RBFOX1: variants seen among roughly 807,000 people sequenced by gnomAD.
RBFOX1 encodes RNA binding protein fox-1 homolog 1.
In RBFOX1, 8 loss-of-function variants were observed where a neutral mutation model predicts 57.7. The observed-to-expected ratio is 0.14, with a 90% CI of 0.08 to 0.25. The LOEUF (loss-of-function observed/expected upper bound fraction) is 0.25, where lower values mean the gene tolerates loss of function less well. Among genes scored for constraint, RBFOX1 ranks in the 10% least tolerant of loss-of-function variants. RBFOX1 has a pLI of 1.00. For synonymous variants in RBFOX1, 326 were observed against 222.4 expected (o/e 1.47, Z -4.15); for missense variants, 611 against 548.5 (o/e 1.11, Z -1.14).
chr16:5,789,975 G>C (rs767174272), intron 3 of RBFOX1, among the ~76,000 whole-genome samples: 1 of 152,168 alleles, frequency 6.6e-6, no homozygotes, highest in Non-Finnish European at 1.5e-5. Flanking sequence ...TACACCTCAC[G>C]GGCTTCATGC....
At chr16:6,786,442 C>T (rs1240917746) in intron 3 of RBFOX1, among the ~76,000 whole-genome samples, 1 of 152,072 alleles carries the variant, frequency 6.6e-6, no homozygotes, top group Non-Finnish European at 1.5e-5. Flanking sequence ...GTGGAAGAAA[C>T]ATTTTTACAG....
intron 4 of RBFOX1, among the ~76,000 whole-genome samples, chr16:7,058,212 A>G (rs974806418): frequency 3.9e-5 from 6 of 152,078 alleles, no homozygotes; most frequent in African/African-American, 4.8e-5. Context: ...AGGGGGAATC[A>G]CTTAGAAAGT....
intron 2 of RBFOX1, among the ~76,000 whole-genome samples, chr16:6,341,655 T>C (rs867385993): frequency 6.6e-6 from 1 of 152,176 alleles, no homozygotes; most frequent in South Asian, 2.1e-4. Context: ...ATTTTTTTTT[T>C]GTTATGCTGT....
At chr16:6,100,865 T>A (rs957816819) in intron 1 of RBFOX1, among the ~76,000 whole-genome samples, 1 of 152,178 alleles carries the variant, frequency 6.6e-6, no homozygotes, top group African/African-American at 2.4e-5. Flanking sequence ...GGAATGTTCC[T>A]TAAGTGTTCT....
chr16:6,229,091 G>T (rs935613706), intron 1 of RBFOX1, among the ~76,000 whole-genome samples: 15 of 152,038 alleles, frequency 9.9e-5, no homozygotes, highest in African/African-American at 3.6e-4. Context: ...CTTATTGAGA[G>T]ACCATGTTGT....
intron 1 of RBFOX1, among the ~76,000 whole-genome samples, chr16:6,168,957 T>G (rs1450041137): frequency 2.6e-5 from 4 of 152,060 alleles, no homozygotes; most frequent in Non-Finnish European, 4.4e-5. Flanking sequence ...CAGAGAAGTT[T>G]TGGAATTGCC....
Position 7,603,640 on chromosome 16 carries a change from G to T in RBFOX1, c.623-3645G>T, listed in dbSNP as rs991614629. On this transcript the variant is annotated intron_variant, in intron 9 of 15. Transcript: ENST00000550418. ...AGTTCTCCAAGAAGAAGGAGAAGTG[G>T]ATACAAAGAGACTTTGATATACGGT... 3.9e-5 allele frequency among the ~76,000 whole-genome samples: 6 copies of T among 152,104 alleles called. No homozygotes were observed. The East Asian group carries it at 5.8e-4, about 15-fold the overall frequency.
At chr16:5,424,824 C>T (rs1014107717) in intron 1 of RBFOX1, among the ~76,000 whole-genome samples, 1 of 151,076 alleles carries the variant, frequency 6.6e-6, no homozygotes, top group African/African-American at 2.4e-5. Flanking sequence ...TTCTCCTCTC[C>T]TCTCCTCTCT....
intron 1 of RBFOX1, among the ~76,000 whole-genome samples, chr16:5,280,788 T>C (rs1480119571): frequency 6.6e-6 from 1 of 152,060 alleles, no homozygotes; most frequent in East Asian, 1.9e-4. Context: ...GTCTCCTTTT[T>C]CATTTCTGAT....
At chr16:5,921,458 A>T (rs920310280) in intron 4 of RBFOX1, among the ~76,000 whole-genome samples, 1 of 152,220 alleles carries the variant, frequency 6.6e-6, no homozygotes, top group Non-Finnish European at 1.5e-5. Flanking sequence ...TTCAGGCAGG[A>T]AAAGAATCTT....
At chr16:7,014,886 G>A (rs927479562) in intron 3 of RBFOX1, among the ~76,000 whole-genome samples, 2 of 151,900 alleles carry the variant, frequency 1.3e-5, no homozygotes, top group East Asian at 2.0e-4. Context: ...CACCACACCC[G>A]GCTAATTTTT....
At chr16:5,443,415 G>A (rs985346387) in intron 1 of RBFOX1, among the ~76,000 whole-genome samples, 2 of 152,170 alleles carry the variant, frequency 1.3e-5, no homozygotes, top group African/African-American at 4.8e-5. Context: ...TTGGCTCACT[G>A]CAACCTCCAC....
At chr16:5,275,289 T>G (rs1409176615) in intron 1 of RBFOX1, among the ~76,000 whole-genome samples, 1 of 152,144 alleles carries the variant, frequency 6.6e-6, no homozygotes, top group African/African-American at 2.4e-5. Context: ...ATTGATCATT[T>G]CTTTGTGTTG....
intron 2 of RBFOX1, among the ~76,000 whole-genome samples, chr16:6,401,814 G>T (rs1442806522): frequency 6.6e-6 from 1 of 151,730 alleles, no homozygotes; most frequent in Non-Finnish European, 1.5e-5. Context: ...ATTATTTCTT[G>T]GGCAGCTATT....
chr16:6,024,543 C>G (rs2095149202), intron 1 of RBFOX1, among the ~76,000 whole-genome samples: 1 of 152,116 alleles, frequency 6.6e-6, no homozygotes. Context: ...GGCTGTAGTA[C>G]AGTGGTGTGA....
chr16:7,047,890 A>T (rs894813304), intron 3 of RBFOX1, among the ~76,000 whole-genome samples: 9 of 150,496 alleles, frequency 6.0e-5, no homozygotes, highest in Non-Finnish European at 4.4e-5. Flanking sequence ...TTAATTAATT[A>T]TTTTTTTTGA....
intron 3 of RBFOX1, among the ~76,000 whole-genome samples, chr16:6,734,276 C>G (rs929932600): frequency 1.3e-5 from 2 of 152,190 alleles, no homozygotes; most frequent in Non-Finnish European, 2.9e-5. Flanking sequence ...AAGCAGTGTG[C>G]ATGCGAGGGC....
At chr16:5,996,865 G>T (rs945107502) in intron 4 of RBFOX1, among the ~76,000 whole-genome samples, 1 of 152,072 alleles carries the variant, frequency 6.6e-6, no homozygotes, top group Non-Finnish European at 1.5e-5. Flanking sequence ...GAAACCCACT[G>T]TTGTAAAGAA....
intron 4 of RBFOX1, among the ~76,000 whole-genome samples, chr16:7,065,762 T>C (rs1245909271): frequency 6.6e-6 from 1 of 152,036 alleles, no homozygotes; most frequent in Non-Finnish European, 1.5e-5. Context: ...TCATTCCTCC[T>C]GTCTAAGTGA....
Sources: allele counts gnomAD v4.1 joint callset (sites outside exome capture counted in the v4.1 genomes callset), GRCh38; gene constraint gnomAD v4.1.1; transcripts MANE v1.5; gene names NCBI Gene and HGNC (gene_info 2026-07-23, HGNC 2026-07-21).